Variants in LYZL4 observed in about 807,000 individuals in gnomAD.
The protein encoded by LYZL4 is lysozyme like 4.
A neutral mutation model predicts 17.6 loss-of-function variants in LYZL4; 13 were observed. That is an observed-to-expected ratio of 0.74 (90% confidence interval 0.48 to 1.18). The LOEUF (loss-of-function observed/expected upper bound fraction) is 1.18. LYZL4 is among the 50% of genes most tolerant of loss of function. The pLI is 0.00. For synonymous variants in LYZL4, 64 were observed against 67.7 expected (o/e 0.95, Z 0.27); for missense variants, 174 against 188.2 (o/e 0.92, Z 0.44).
intron 1 of LYZL4, among the ~76,000 whole-genome samples, chr3:42,409,992 C>T (rs1156247523): frequency 6.6e-6 from 1 of 152,188 alleles, no homozygotes; most frequent in Non-Finnish European, 1.5e-5. Context: ...GCCATTCCTT[C>T]TACCTGGAAC....
At chr3:42,409,544 C>A (rs990984245) in intron 1 of LYZL4, among the ~76,000 whole-genome samples, 1 of 152,216 alleles carries the variant, frequency 6.6e-6, no homozygotes, top group African/African-American at 2.4e-5. Context: ...CCCTCTCCCC[C>A]AGAAGCCAGT....
downstream of LYZL4, among the ~76,000 whole-genome samples, chr3:42,394,199 GC>G (rs1320674112): frequency 6.6e-6 from 1 of 152,180 alleles, no homozygotes; most frequent in Non-Finnish European, 1.5e-5. Flanking sequence ...CAATTTCCCA[GC>G]CTGTGAACTG....
chr3:42,389,741 C>G, the LYZL4 span, among the ~76,000 whole-genome samples: 1 of 152,240 alleles, frequency 6.6e-6, no homozygotes, highest in South Asian at 2.1e-4. Flanking sequence ...TGGCATCATC[C>G]AGTGACAGAA....
chr3:42,383,351 A>G, the LYZL4 span, among the ~76,000 whole-genome samples: 3,539 of 150,600 alleles, frequency 0.023, 154 homozygotes, highest in African/African-American at 0.082. Flanking sequence ...ACCTGACATC[A>G]GTGATGCCTG....
At chr3:42,403,884 C>T (rs1698703412) in intron 4 of LYZL4, among the ~76,000 whole-genome samples, 162 bp downstream of exon 4, 1 of 152,200 alleles carries the variant, frequency 6.6e-6, no homozygotes, top group African/African-American at 2.4e-5. Flanking sequence ...TTCCTTCCCT[C>T]TGTGGCCTTG....
chr3:42,376,809 T>A, the LYZL4 span, among the ~76,000 whole-genome samples: 1 of 152,230 alleles, frequency 6.6e-6, no homozygotes, highest in Non-Finnish European at 1.5e-5. Flanking sequence ...AAGGTCCCCA[T>A]GAGGCACCAG....
At chr3:42,363,302 G>T in the LYZL4 span, among the ~76,000 whole-genome samples, 1 of 152,052 alleles carries the variant, frequency 6.6e-6, no homozygotes, top group Non-Finnish European at 1.5e-5. Context: ...TCTAATGTTG[G>T]GTGACATTAG....
At chr3:42,386,600 T>G in the LYZL4 span, among the ~76,000 whole-genome samples, 8 of 152,226 alleles carry the variant, frequency 5.3e-5, no homozygotes, top group African/African-American at 1.7e-4. Context: ...TTATTCTGCC[T>G]ATCACAAGGA....
At chr3:42,401,745 TA>T (rs971341792) in intron 4 of LYZL4, among the ~76,000 whole-genome samples, 12 of 151,484 alleles carry the variant, frequency 7.9e-5, no homozygotes, top group South Asian at 2.1e-4. Context: ...ATTCATGATT[TA>T]AAAAAAAACT....
chr3:42,402,217 G>A (rs201836972), intron 4 of LYZL4, among the ~76,000 whole-genome samples: 1 of 151,036 alleles, frequency 6.6e-6, no homozygotes, highest in Non-Finnish European at 1.5e-5. Flanking sequence ...GAGGCAGGAG[G>A]ATCACTTGAG....
the LYZL4 span, among the ~76,000 whole-genome samples, chr3:42,387,365 CAG>C: frequency 1.3e-5 from 2 of 152,186 alleles, no homozygotes; most frequent in Non-Finnish European, 2.9e-5. Flanking sequence ...CTCATACAAA[CAG>C]AGAATTTCAT....
At chr3:42,371,053 C>T in the LYZL4 span, among the ~76,000 whole-genome samples, 1 of 152,214 alleles carries the variant, frequency 6.6e-6, no homozygotes, top group Non-Finnish European at 1.5e-5. Context: ...AGCATTCTCT[C>T]TATCTTCAAC....
Position 42,402,199 on chromosome 3 carries a change from G to A in LYZL4, c.371+1847C>T, listed in dbSNP as rs370854243. The stretch of plus-strand genomic sequence containing the variant: ...CATGTGCCTGTTGTCCTCACTACTC[G>A]GGAGGCTGAGGCAGGAGGATCACTT... On this transcript the variant is annotated intron_variant, in intron 4 of 4. Coordinates refer to ENST00000287748, the MANE Select transcript of LYZL4 (RefSeq NM_144634.4). Among the ~76,000 whole-genome samples the A allele has an allele frequency of 8.0e-5, 12 of 150,752 alleles. No homozygotes were observed. The East Asian group carries it at 1.6e-3, about 20-fold the overall frequency.
At chr3:42,392,872 T>C (rs1253717031), downstream of LYZL4, among the ~76,000 whole-genome samples, 1 of 152,164 alleles carries the variant, frequency 6.6e-6, no homozygotes, top group Non-Finnish European at 1.5e-5. Flanking sequence ...GTGGAGTTAC[T>C]AGTAATGGCA....
chr3:42,396,871 C>T (rs557662068), downstream of LYZL4, among the ~76,000 whole-genome samples: 2 of 152,214 alleles, frequency 1.3e-5, no homozygotes, highest in Non-Finnish European at 2.9e-5. Context: ...CTTGTGCCAG[C>T]CTCTCTTCCT....
At chr3:42,386,923 G>C in the LYZL4 span, among the ~76,000 whole-genome samples, 4 of 152,186 alleles carry the variant, frequency 2.6e-5, no homozygotes, top group Non-Finnish European at 5.9e-5. Flanking sequence ...TGATTGATAA[G>C]TATGTGGGGG....
intron 3 of LYZL4, 131 bp from the exon 4 acceptor site, chr3:42,404,255 ATT>A: frequency 1.9e-6 from 1 of 536,714 alleles, no homozygotes; most frequent in Non-Finnish European, 3.3e-6. Context: ...CTATCCTTAG[ATT>A]TTTATTAGAC....
At chr3:42,391,169 T>C in the LYZL4 span, among the ~76,000 whole-genome samples, 1 of 152,234 alleles carries the variant, frequency 6.6e-6, no homozygotes, top group Non-Finnish European at 1.5e-5. Flanking sequence ...TTTCTGCTAC[T>C]ATTGTACTGT....
At chr3:42,405,777 C>T (rs1373048245) in intron 3 of LYZL4, among the ~76,000 whole-genome samples, 2 of 152,160 alleles carry the variant, frequency 1.3e-5, no homozygotes, top group African/African-American at 4.8e-5. Flanking sequence ...AGCTCTACCA[C>T]CCCACAGCTG....
Sources: allele counts gnomAD v4.1 joint callset (sites outside exome capture counted in the v4.1 genomes callset), GRCh38; gene constraint gnomAD v4.1.1; transcripts MANE v1.5; gene names NCBI Gene and HGNC (gene_info 2026-07-23, HGNC 2026-07-21).